The following CLSTN2 variants were observed in gnomAD, a reference collection of about 807,000 sequenced individuals.
The protein encoded by CLSTN2 is calsyntenin-2.
Under a neutral mutation model 101.2 loss-of-function variants are expected in CLSTN2, and 48 were observed. The ratio of observed to expected loss-of-function variants is 0.47; its 90% CI spans 0.38 to 0.60. CLSTN2 has a LOEUF of 0.60. Ranked by LOEUF, CLSTN2 falls within the 20% of genes least tolerant of loss-of-function variation. The pLI is 0.00. For missense variants in CLSTN2, 1,160 were observed against 1,238.2 expected (o/e 0.94, Z 0.95); for synonymous variants, 481 against 463.6 (o/e 1.04, Z -0.48).
chr3:140,078,388 T>G (rs1039354372), intron 1 of CLSTN2, among the ~76,000 whole-genome samples: 1 of 152,178 alleles, frequency 6.6e-6, no homozygotes, highest in Non-Finnish European at 1.5e-5. Flanking sequence ...AGAACTGAGC[T>G]CTATTTTTGC....
At chr3:140,547,232 T>C (rs1935611888) in intron 10 of CLSTN2, among the ~76,000 whole-genome samples, 1 of 152,108 alleles carries the variant, frequency 6.6e-6, no homozygotes, top group Non-Finnish European at 1.5e-5. Context: ...TCCCAACACT[T>C]TGGGAGGCTG....
At chr3:140,007,004 C>T (rs2006972341) in intron 1 of CLSTN2, among the ~76,000 whole-genome samples, 1 of 152,024 alleles carries the variant, frequency 6.6e-6, no homozygotes, top group Non-Finnish European at 1.5e-5. Context: ...CAAATAAATA[C>T]AAGATTAGCG....
chr3:140,176,914 A>G (rs1030748019), intron 2 of CLSTN2, among the ~76,000 whole-genome samples: 1 of 152,248 alleles, frequency 6.6e-6, no homozygotes, highest in Admixed American at 6.5e-5. Context: ...GGTTTTCACC[A>G]GGATGAAGTC....
intron 1 of CLSTN2, among the ~76,000 whole-genome samples, chr3:139,978,050 G>A (rs1935850463): frequency 6.6e-6 from 1 of 152,124 alleles, no homozygotes; most frequent in African/African-American, 2.4e-5. Context: ...GGAACCCTGT[G>A]CCAAACACAA....
intron 2 of CLSTN2, among the ~76,000 whole-genome samples, chr3:140,394,457 G>C (rs187328260): frequency 2.0e-5 from 3 of 152,314 alleles, no homozygotes; most frequent in African/African-American, 7.2e-5. Context: ...ATCAGTTTCA[G>C]GAGCTGAAAC....
At chr3:140,480,822 G>C (rs1054495169) in intron 8 of CLSTN2, among the ~76,000 whole-genome samples, 1 of 152,142 alleles carries the variant, frequency 6.6e-6, no homozygotes, top group Non-Finnish European at 1.5e-5. Flanking sequence ...ATTTGTTGGA[G>C]TTCATTGTAG....
intron 8 of CLSTN2, among the ~76,000 whole-genome samples, chr3:140,485,967 G>A (rs988701172): frequency 2.1e-5 from 3 of 144,988 alleles, no homozygotes; most frequent in Non-Finnish European, 3.0e-5. Context: ...CCCACTGTCC[G>A]ACAACCCCCC....
intron 1 of CLSTN2, among the ~76,000 whole-genome samples, chr3:139,983,987 C>G (rs1003285365): frequency 8.5e-5 from 13 of 152,158 alleles, no homozygotes; most frequent in South Asian, 2.1e-4. Context: ...CCTTACATTT[C>G]TTTCTTTCAT....
At chr3:140,510,515 G>A (rs1934787578) in intron 8 of CLSTN2, among the ~76,000 whole-genome samples, 1 of 152,194 alleles carries the variant, frequency 6.6e-6, no homozygotes, top group Non-Finnish European at 1.5e-5. Context: ...CAAATTACAA[G>A]GATGGTTTTT....
intron 8 of CLSTN2, among the ~76,000 whole-genome samples, chr3:140,474,809 C>G (rs768204206): frequency 1.3e-5 from 2 of 152,098 alleles, no homozygotes. Flanking sequence ...TGCTGGGCTC[C>G]GGCGAGCCCA....
chr3:139,987,299 C>T (rs1235235085), intron 1 of CLSTN2, among the ~76,000 whole-genome samples: 2 of 152,112 alleles, frequency 1.3e-5, no homozygotes, highest in African/African-American at 4.8e-5. Context: ...CCCCTGCATT[C>T]AGTAATTAAA....
chr3:140,448,851 A>G, intron 6 of CLSTN2, 147 bp downstream of exon 6: 1 of 709,136 alleles, frequency 1.4e-6, no homozygotes, highest in Non-Finnish European at 2.2e-6. Flanking sequence ...AAGTTTACTT[A>G]TGGCAGAAGG....
intron 1 of CLSTN2, among the ~76,000 whole-genome samples, chr3:140,093,362 G>A (rs186060941): frequency 6.6e-6 from 1 of 152,250 alleles, no homozygotes; most frequent in Admixed American, 6.5e-5. Flanking sequence ...TGGCCTGAAG[G>A]TGTCCTCACT....
chr3:140,258,214 C>T (rs578006806), intron 2 of CLSTN2, among the ~76,000 whole-genome samples: 1 of 152,176 alleles, frequency 6.6e-6, no homozygotes, highest in East Asian at 1.9e-4. Flanking sequence ...TTAAACAGAC[C>T]TTAGGATTAA....
intron 2 of CLSTN2, among the ~76,000 whole-genome samples, chr3:140,355,963 T>A (rs1031511142): frequency 6.6e-6 from 1 of 152,256 alleles, no homozygotes; most frequent in Admixed American, 6.5e-5. Context: ...CATAAATATT[T>A]TTGAGTATTT....
intron 2 of CLSTN2, among the ~76,000 whole-genome samples, chr3:140,192,568 AT>A (rs530148324): frequency 1.1e-4 from 16 of 149,178 alleles, no homozygotes; most frequent in South Asian, 6.3e-4. Flanking sequence ...GTCTCCAGTA[AT>A]TTTTTTTTTA....
intron 8 of CLSTN2, among the ~76,000 whole-genome samples, chr3:140,481,495 G>A (rs1225167242): frequency 6.6e-6 from 1 of 152,120 alleles, no homozygotes; most frequent in East Asian, 1.9e-4. Context: ...AAAGTCATTG[G>A]TAGCTTGATG....
At chr3:140,234,316 G>A (rs1007256633) in intron 2 of CLSTN2, among the ~76,000 whole-genome samples, 1 of 152,186 alleles carries the variant, frequency 6.6e-6, no homozygotes, top group Admixed American at 6.5e-5. Context: ...CTGCTGTCTA[G>A]ACGACACTCT....
intron 1 of CLSTN2, among the ~76,000 whole-genome samples, chr3:140,100,366 A>G (rs1042191248): frequency 1.3e-5 from 2 of 152,160 alleles, no homozygotes; most frequent in Non-Finnish European, 1.5e-5. Flanking sequence ...TGTGGACTGT[A>G]TCAAGGTATT....
Sources: gnomAD v4.1 joint callset for allele counts (sites outside exome capture counted in the v4.1 genomes callset) on GRCh38, gnomAD v4.1.1 for gene constraint, MANE v1.5 for transcripts, NCBI Gene and HGNC (gene_info 2026-07-23, HGNC 2026-07-21) for gene names.